Variants in DSC2 observed in about 807,000 individuals in gnomAD.
The protein encoded by DSC2 is desmocollin 2.
A neutral mutation model predicts 87.6 loss-of-function variants in DSC2; 51 were observed. That is an observed-to-expected ratio of 0.58 (90% CI 0.46 to 0.74). DSC2 has a LOEUF of 0.74. DSC2 is among the 30% of genes least tolerant of loss of function. The pLI, the probability that DSC2 is intolerant of heterozygous loss-of-function variation, is 0.00. For synonymous variants in DSC2, 383 were observed against 393.2 expected (o/e 0.97, Z 0.31); for missense variants, 1,066 against 1,089.5 (o/e 0.98, Z 0.30).
At chr18:31,085,816 A>G (rs1003529380) in intron 7 of DSC2, among the ~76,000 whole-genome samples, 3 of 152,126 alleles carry the variant, frequency 2.0e-5, no homozygotes, top group Non-Finnish European at 2.9e-5. Flanking sequence ...AGAAACTGCT[A>G]TAAGAATTTA....
chr18:31,087,525 G>T, intron 6 of DSC2, 144 bp downstream of exon 6: 1 of 976,392 alleles, frequency 1.0e-6, no homozygotes, highest in Non-Finnish European at 1.6e-6. Context: ...GCATCACACA[G>T]CTAGTGAAAC....
At chr18:31,082,461 ACT>A (rs1259564920) in intron 8 of DSC2, 38 bp from the exon 9 acceptor site, 2 of 1,574,462 alleles carry the variant, frequency 1.3e-6, no homozygotes, top group Non-Finnish European at 1.7e-6. Context: ...TTCGTTAGTA[ACT>A]CTCACAAAAA....
intron 4 of DSC2, 77 bp from the exon 5 acceptor site, chr18:31,089,671 A>C: frequency 7.2e-7 from 1 of 1,396,206 alleles, no homozygotes; most frequent in East Asian, 2.5e-5. Context: ...ATGAAATCTC[A>C]TTGCCATTTT....
At position 31,064,891 on chromosome 18, in the gene DSC2, T is replaced by C. The variant is rs1986576987; in HGVS notation, c.*3124A>G. 6.6e-6 allele frequency: 1 copy of C among 152,126 alleles called. No individual in the cohort carries two copies. The highest frequency in any genetic ancestry group is 1.5e-5 in the Non-Finnish European group (1 of 68,052). 9.4% of individuals were successfully genotyped at this position (152,126 alleles called of 1,614,324 possible). ...AGGGAAGCCCGTAGTCAAAGTCAGA[T>C]TTGGCAAAACAGAATTGGGATCCAA... is the stretch of plus-strand genomic sequence containing the variant. On this transcript the variant is annotated 3_prime_UTR_variant, in exon 16 of 16. Coordinates refer to ENST00000280904, the MANE Select transcript of DSC2 (RefSeq NM_024422.6).
In DSC2 at chr18:31,068,016, C is replaced by G; in HGVS notation, c.2705G>C (p.Ter902SerextTer25). 1 of 1,613,682 alleles carries G rather than the reference C, an allele frequency of 6.2e-7. No individual in the cohort carries two copies. ...RTLAEACMKR* is the reference protein window; with the variant it reads ...RTLAEACMKRS Reference sequence around the variant, plus strand: ...TTTCAGAGACTTATTAGAACACACTCATCTCTTCATGCATGCTTCTGCTAG... The same window carrying G: ...TTTCAGAGACTTATTAGAACACACTGATCTCTTCATGCATGCTTCTGCTAG... Residue 902 changes from the stop codon to serine (S), a stop_lost, in exon 16 of 16, where the codon TGA (stop) becomes TCA (serine). Coordinates refer to ENST00000280904, the MANE Select transcript of DSC2 (RefSeq NM_024422.6).
At chr18:31,068,461 T>A in intron 15 of DSC2, 1 of 1,078,560 alleles carries the variant, frequency 9.3e-7, no homozygotes, top group Non-Finnish European at 1.4e-6. Flanking sequence ...TCATTTTACA[T>A]AGTCACTACT....
chr18:31,082,189 C>CTATT, intron 9 of DSC2, 49 bp downstream of exon 9: 1 of 1,530,580 alleles, frequency 6.5e-7, no homozygotes, highest in Non-Finnish European at 9.0e-7. Context: ...TTCTAGCATG[C>CTATT]TATTCTATGA....
At chr18:31,089,418 T>TACA in intron 5 of DSC2, 21 bp downstream of exon 5, 1 of 1,613,252 alleles carries the variant, frequency 6.2e-7, no homozygotes, top group Non-Finnish European at 8.5e-7. Flanking sequence ...GCTAATACAG[T>TACA]ACACACATTT....
At chr18:31,074,616 A>G in intron 12 of DSC2, 67 bp downstream of exon 12, 2 of 313,432 alleles carry the variant, frequency 6.4e-6, no homozygotes, top group Non-Finnish European at 9.8e-6. Flanking sequence ...TATTTCATAC[A>G]AAAAAAAAAA....
In DSC2 at chr18:31,068,589, C is replaced by A. The variant is rs79607795; in HGVS notation, c.2508+305G>T. On this transcript the variant is annotated intron_variant, in intron 15 of 15. Transcript: ENST00000280904. ...ATAGTACATGCTGGTCTTGCTGGTA[C>A]CACATTTTTGGTTTCTAAGGTACAA... Among the ~76,000 whole-genome samples, 1,460 of 152,120 alleles carry A rather than the reference C, an allele frequency of 9.6e-3. 22 individuals are homozygous for A. The highest frequency in any genetic ancestry group is 0.033 in the African/African-American group (1,383 of 41,504).
At chr18:31,087,330 T>C (rs561487519) in intron 6 of DSC2, among the ~76,000 whole-genome samples, 129 of 152,346 alleles carry the variant, frequency 8.5e-4, no homozygotes, top group African/African-American at 2.9e-3. Flanking sequence ...TTTTGGGCTA[T>C]GTTCTCTTAC....
intron 3 of DSC2, among the ~76,000 whole-genome samples, 185 bp downstream of exon 3, chr18:31,091,916 T>C (rs1412986608): frequency 6.6e-6 from 1 of 152,152 alleles, no homozygotes; most frequent in Non-Finnish European, 1.5e-5. Context: ...TGAAAAGGAA[T>C]GACAACCCGA....
rs1445856646 is a variant in DSC2, at chr18:31,065,260, ATCATGGCAAGATGTCAGCAGT to A, written c.*2734_*2754del. On this transcript the variant is annotated 3_prime_UTR_variant, in exon 16 of 16. Transcript: ENST00000280904. ...GCTTCTGGGAAAGGTGAATAAGAGC[ATCATGGCAAGATGTCAGCAGT>A]AAAGCAGAGTGGAGACTGAAGCTAA... The A allele has an allele frequency of 6.6e-6, 1 of 152,260 alleles. No homozygotes were observed. Among genetic ancestry groups the A allele is most frequent in the Non-Finnish European group, 1.5e-5 (1 of 68,080 alleles). 9.4% of individuals were successfully genotyped at this position (152,260 alleles called of 1,614,324 possible).
chr18:31,070,863 A>G lies in DSC2; in HGVS notation c.2126-13T>C, dbSNP rs1360523731. On this transcript the variant is annotated splice_polypyrimidine_tract_variant and intron_variant, in intron 13 of 15. Transcript: ENST00000280904. ...GTAAACAGGATGCCTGGAGGAAGAA[A>G]GAAATATACTTGAGTTTATCATAAA... is the stretch of plus-strand genomic sequence containing the variant. The G allele has an allele frequency of 6.2e-7, 1 of 1,613,488 alleles. No homozygotes were observed. The highest frequency in any genetic ancestry group is 1.1e-5 in the South Asian group (1 of 91,068).
chr18:31,069,790 A>C (rs1393492150), intron 14 of DSC2, among the ~76,000 whole-genome samples: 2 of 152,076 alleles, frequency 1.3e-5, no homozygotes, highest in East Asian at 1.9e-4. Context: ...TCACACCTCA[A>C]AATAAACACT....
intron 12 of DSC2, among the ~76,000 whole-genome samples, chr18:31,073,373 GCA>G (rs34582584): frequency 0.55 from 80,045 of 146,824 alleles, 22,499 homozygotes; most frequent in South Asian, 0.62. Context: ...ACACACACAC[GCA>G]CACACACACA....
chr18:31,088,215 A>G (rs1183360896), intron 5 of DSC2, among the ~76,000 whole-genome samples: 5 of 152,148 alleles, frequency 3.3e-5, no homozygotes, highest in Non-Finnish European at 7.4e-5. Context: ...ATCCTGTAGG[A>G]TTACCCAGGT....
At position 31,091,026 on chromosome 18, in the gene DSC2, A is replaced by G. The variant is rs1430478589; in HGVS notation, c.474+2T>C. The G allele has an allele frequency of 6.2e-7, 1 of 1,613,982 alleles. No individual in the cohort carries two copies. The highest frequency in any genetic ancestry group is 8.5e-7 in the Non-Finnish European group (1 of 1,179,882). On this transcript the variant is annotated splice_donor_variant, in intron 4 of 15. Coordinates refer to ENST00000280904, the MANE Select transcript of DSC2 (RefSeq NM_024422.6). LOFTEE classifies it high-confidence loss of function. ...CCACAGCAGAAAGAAAGAAAACGGT[A>G]CCTGTTGAAGGAAAAGTGGAAAAGG...
intron 4 of DSC2, 140 bp from the exon 5 acceptor site, chr18:31,089,734 A>C (rs1045638193): frequency 1.2e-6 from 1 of 845,752 alleles, no homozygotes; most frequent in Non-Finnish European, 1.8e-6. Context: ...TTAAAACAGC[A>C]ATAGAATAAG....
Sources: allele counts gnomAD v4.1 joint callset (sites outside exome capture counted in the v4.1 genomes callset), GRCh38; gene constraint gnomAD v4.1.1; transcripts MANE v1.5; gene names NCBI Gene and HGNC (gene_info 2026-07-23, HGNC 2026-07-21).